Variants in GSE1 observed in about 807,000 individuals in gnomAD.
GSE1 encodes the protein Gse1 coiled-coil protein, also known as genetic suppressor element 1.
In GSE1, 32 loss-of-function variants were observed where a neutral mutation model predicts 112.6. The observed-to-expected ratio is 0.28, with a 90% CI of 0.21 to 0.38. The LOEUF (loss-of-function observed/expected upper bound fraction) is 0.38, where lower values mean the gene tolerates loss of function less well. Ranked by LOEUF, GSE1 falls within the 10% of genes least tolerant of loss-of-function variation. The pLI is 1.00. For missense variants in GSE1, 2,348 were observed against 1,699.2 expected (o/e 1.38, Z -6.71); for synonymous variants, 1,115 against 735.6 (o/e 1.52, Z -8.35).
At chr16:85,514,924 T>C (rs1298188829) in intron 2 of GSE1, among the ~76,000 whole-genome samples, 3 of 152,148 alleles carry the variant, frequency 2.0e-5, no homozygotes, top group African/African-American at 7.2e-5. Context: ...CGTACGTGTG[T>C]GTGGGCATGT....
intron 2 of GSE1, among the ~76,000 whole-genome samples, chr16:85,636,818 C>G (rs1359958659): frequency 6.6e-6 from 1 of 152,180 alleles, no homozygotes; most frequent in Non-Finnish European, 1.5e-5. Context: ...GTTGGGCGCA[C>G]AAAAGGGTCT....
At chr16:85,411,134 TAC>T (rs2048529163) in intron 2 of GSE1, among the ~76,000 whole-genome samples, 1 of 114,314 alleles carries the variant, frequency 8.7e-6, no homozygotes, top group African/African-American at 4.5e-5. Context: ...TCCTCACCGT[TAC>T]ACTCAGGGCC....
chr16:85,522,025 C>A (rs983379679), intron 2 of GSE1, among the ~76,000 whole-genome samples: 2 of 152,202 alleles, frequency 1.3e-5, no homozygotes, highest in African/African-American at 4.8e-5. Context: ...CTCTCCAGAG[C>A]CTCCTAGAAA....
chr16:85,444,645 C>T (rs2049462595), intron 2 of GSE1, among the ~76,000 whole-genome samples: 1 of 152,062 alleles, frequency 6.6e-6, no homozygotes, highest in Admixed American at 6.5e-5. Flanking sequence ...TGGGGTAAGT[C>T]CTTCAACCCT....
chr16:85,252,080 C>T (rs764258269), intron 1 of GSE1, among the ~76,000 whole-genome samples: 20 of 152,208 alleles, frequency 1.3e-4, no homozygotes, highest in Non-Finnish European at 1.9e-4. Context: ...AGTCTGACTC[C>T]GGAGACCCAG....
chr16:85,568,658 G>C (rs1455379812), intron 1 of GSE1, among the ~76,000 whole-genome samples: 1 of 152,188 alleles, frequency 6.6e-6, no homozygotes, highest in Non-Finnish European at 1.5e-5. Flanking sequence ...TATTACCCAG[G>C]GCGGAGGCTC....
intron 1 of GSE1, among the ~76,000 whole-genome samples, chr16:85,284,800 G>T (rs1481213140): frequency 3.3e-5 from 5 of 152,188 alleles, no homozygotes; most frequent in African/African-American, 4.8e-5. Flanking sequence ...TGAGGAAGCT[G>T]CCTGCTCCGC....
chr16:85,331,711 T>A (rs1032911644), intron 1 of GSE1, among the ~76,000 whole-genome samples: 1,004 of 59,654 alleles, frequency 0.017, 26 homozygotes, highest in East Asian at 0.16. Flanking sequence ...ATATATATTT[T>A]TTTTTTTTTT....
At chr16:85,274,846 C>G (rs1909197832) in intron 1 of GSE1, among the ~76,000 whole-genome samples, 1 of 152,280 alleles carries the variant, frequency 6.6e-6, no homozygotes, top group African/African-American at 2.4e-5. Context: ...CAGCAGGTCA[C>G]CTGCAGAAAG....
At chr16:85,664,888 C>CA in intron 11 of GSE1, 127 bp from the exon 12 acceptor site, 1 of 655,144 alleles carries the variant, frequency 1.5e-6, no homozygotes, top group South Asian at 1.8e-5. Flanking sequence ...TGCCCCATCA[C>CA]ACCTGCTTTT....
chr16:85,404,910 C>T (rs1597624999), intron 2 of GSE1, among the ~76,000 whole-genome samples: 2 of 42,904 alleles, frequency 4.7e-5, no homozygotes, highest in African/African-American at 1.6e-4. Flanking sequence ...ATAATCCTCA[C>T]TGTTACTCTC....
intron 1 of GSE1, among the ~76,000 whole-genome samples, chr16:85,310,476 C>T (rs1355651816): frequency 6.6e-6 from 1 of 151,844 alleles, no homozygotes; most frequent in East Asian, 1.9e-4. Context: ...TCCCTCCCTC[C>T]CCTCCCCTGC....
intron 2 of GSE1, among the ~76,000 whole-genome samples, chr16:85,448,387 C>T (rs1429334568): frequency 6.6e-6 from 1 of 152,132 alleles, no homozygotes; most frequent in Admixed American, 6.5e-5. Context: ...AGATACCGAA[C>T]GGTGGTGTTT....
intron 2 of GSE1, among the ~76,000 whole-genome samples, chr16:85,509,233 G>T (rs1220080052): frequency 6.6e-6 from 1 of 152,232 alleles, no homozygotes; most frequent in Non-Finnish European, 1.5e-5. Flanking sequence ...GGGCAGGAAG[G>T]GTTGGATCCA....
chr16:85,385,183 C>T (rs1032251536), intron 2 of GSE1, among the ~76,000 whole-genome samples: 3 of 152,222 alleles, frequency 2.0e-5, no homozygotes, highest in Non-Finnish European at 4.4e-5. Context: ...GCAGGGCACC[C>T]GCAGCAGGTG....
At chr16:85,625,919 C>T (rs1317657512) in intron 1 of GSE1, among the ~76,000 whole-genome samples, 1 of 152,158 alleles carries the variant, frequency 6.6e-6, no homozygotes, top group African/African-American at 2.4e-5. Context: ...GTTGCTCTTT[C>T]CTCCTGGGGT....
At chr16:85,661,062 T>A in intron 8 of GSE1, 84 bp from the exon 9 acceptor site, 1 of 1,361,484 alleles carries the variant, frequency 7.3e-7, no homozygotes, top group South Asian at 1.4e-5. Flanking sequence ...CTGTGTCATC[T>A]TAGGAGCGGC....
chr16:85,499,893 G>T (rs2051306012), intron 2 of GSE1, among the ~76,000 whole-genome samples: 2 of 152,094 alleles, frequency 1.3e-5, no homozygotes, highest in Non-Finnish European at 2.9e-5. Context: ...AAACCTTTTT[G>T]GAAAAGCAAA....
intron 2 of GSE1, among the ~76,000 whole-genome samples, chr16:85,410,993 T>A: frequency 1.3e-5 from 1 of 78,922 alleles, no homozygotes. Context: ...CCCCGGATAA[T>A]CCTCACTGTT....
Sources: gnomAD v4.1 joint callset for allele counts (sites outside exome capture counted in the v4.1 genomes callset) on GRCh38, gnomAD v4.1.1 for gene constraint, MANE v1.5 for transcripts, NCBI Gene and HGNC (gene_info 2026-07-23, HGNC 2026-07-21) for gene names.